The following MAGI1 variants were observed in gnomAD, a reference collection of about 807,000 sequenced individuals.
MAGI1 encodes membrane associated guanylate kinase, WW and PDZ domain containing 1, also known as membrane-associated guanylate kinase, WW and PDZ domain-containing protein 1.
A neutral mutation model predicts 139.9 loss-of-function variants in MAGI1; 58 were observed. The ratio of observed to expected loss-of-function variants is 0.41; its 90% CI spans 0.34 to 0.52. MAGI1 has a LOEUF of 0.52. MAGI1 is among the 20% of genes least tolerant of loss of function. The pLI is 0.12. For missense variants in MAGI1, 1,874 were observed against 1,901.6 expected (o/e 0.99, Z 0.27); for synonymous variants, 812 against 737.9 (o/e 1.10, Z -1.63).
At chr3:65,505,345 A>G (rs1467727633) in intron 2 of MAGI1, among the ~76,000 whole-genome samples, 3 of 151,962 alleles carry the variant, frequency 2.0e-5, no homozygotes, top group African/African-American at 7.3e-5. Context: ...TGCATGGTTA[A>G]TGCTAAATAC....
chr3:65,922,066 T>C (rs2062231620), intron 1 of MAGI1, among the ~76,000 whole-genome samples: 1 of 152,186 alleles, frequency 6.6e-6, no homozygotes, highest in African/African-American at 2.4e-5. Context: ...CTTGTTAACA[T>C]GGTTTATCTC....
chr3:65,944,101 T>C (rs2063446717), intron 1 of MAGI1, among the ~76,000 whole-genome samples: 1 of 152,226 alleles, frequency 6.6e-6, no homozygotes, highest in African/African-American at 2.4e-5. Context: ...TGTTTAAGAA[T>C]CCTGGTTCAA....
chr3:65,782,613 C>CAAAAA (rs56367932), intron 1 of MAGI1, among the ~76,000 whole-genome samples: 2 of 60,544 alleles, frequency 3.3e-5, no homozygotes, highest in Non-Finnish European at 6.0e-5. Flanking sequence ...ATTTCTTAAG[C>CAAAAA]AAAAAAAAAA....
At chr3:65,528,041 A>T (rs940587221) in intron 2 of MAGI1, among the ~76,000 whole-genome samples, 4 of 152,136 alleles carry the variant, frequency 2.6e-5, no homozygotes, top group Non-Finnish European at 4.4e-5. Flanking sequence ...GCTTTTTTTC[A>T]GTTGGGTGAA....
At chr3:66,000,693 A>C (rs541653880) in intron 1 of MAGI1, among the ~76,000 whole-genome samples, 23 of 152,340 alleles carry the variant, frequency 1.5e-4, no homozygotes, top group African/African-American at 5.3e-4. Flanking sequence ...GTGGGGCAGG[A>C]CTCAGCACAA....
intron 2 of MAGI1, among the ~76,000 whole-genome samples, chr3:65,616,416 G>A (rs1466843737): frequency 3.3e-5 from 5 of 152,124 alleles, no homozygotes; most frequent in Non-Finnish European, 4.4e-5. Context: ...AGATAGAGTC[G>A]AAGCGTTCAG....
chr3:65,401,510 C>T (rs757082432), intron 12 of MAGI1, 40 bp from the exon 13 acceptor site: 1 of 1,605,346 alleles, frequency 6.2e-7, no homozygotes, highest in South Asian at 1.1e-5. Context: ...GGGAAGAAAT[C>T]ATTAGCATAT....
intron 1 of MAGI1, among the ~76,000 whole-genome samples, chr3:65,800,512 T>C (rs2040449377): frequency 6.6e-6 from 1 of 152,076 alleles, no homozygotes; most frequent in African/African-American, 2.4e-5. Flanking sequence ...ATAGTCTTTA[T>C]AACCCAGCAA....
intron 1 of MAGI1, among the ~76,000 whole-genome samples, chr3:65,889,088 T>C (rs751863368): frequency 1.6e-4 from 25 of 152,192 alleles, no homozygotes; most frequent in Non-Finnish European, 3.2e-4. Context: ...CAAGAGACGC[T>C]AAAAGTACAA....
chr3:65,914,483 T>C (rs2061807071), intron 1 of MAGI1, among the ~76,000 whole-genome samples: 1 of 152,152 alleles, frequency 6.6e-6, no homozygotes, highest in Admixed American at 6.5e-5. Flanking sequence ...TTATGGAGAC[T>C]AAGAGGGGAC....
chr3:65,545,994 G>GCACA (rs749949035), intron 2 of MAGI1, among the ~76,000 whole-genome samples: 7 of 136,680 alleles, frequency 5.1e-5, no homozygotes, highest in African/African-American at 1.7e-4. Context: ...ACACACACAC[G>GCACA]CACACACACA....
At chr3:65,640,851 A>G (rs1250424276) in intron 1 of MAGI1, among the ~76,000 whole-genome samples, 1 of 152,208 alleles carries the variant, frequency 6.6e-6, no homozygotes, top group African/African-American at 2.4e-5. Context: ...CTGACACATT[A>G]TAGTTCCCAA....
At chr3:65,695,643 G>C (rs1012637539) in intron 1 of MAGI1, among the ~76,000 whole-genome samples, 1 of 152,176 alleles carries the variant, frequency 6.6e-6, no homozygotes, top group African/African-American at 2.4e-5. Context: ...GGGGATGAAT[G>C]AATCTACAGT....
At chr3:65,367,588 C>T (rs948247583) in intron 18 of MAGI1, among the ~76,000 whole-genome samples, 3 of 152,108 alleles carry the variant, frequency 2.0e-5, no homozygotes, top group South Asian at 2.1e-4. Context: ...AGTCCATTAC[C>T]ACATACTTCA....
chr3:65,694,054 GA>G (rs2107578844), intron 1 of MAGI1, among the ~76,000 whole-genome samples: 1 of 152,184 alleles, frequency 6.6e-6, no homozygotes, highest in African/African-American at 2.4e-5. Context: ...CCAAAAAAAT[GA>G]GTAAAATATA....
intron 13 of MAGI1, among the ~76,000 whole-genome samples, chr3:65,397,119 C>A (rs907861280): frequency 2.6e-5 from 4 of 152,166 alleles, no homozygotes; most frequent in African/African-American, 4.8e-5. Flanking sequence ...CTCACTGTTT[C>A]TTCTTGTAGG....
intron 2 of MAGI1, among the ~76,000 whole-genome samples, chr3:65,574,903 C>G (rs2081112272): frequency 6.6e-6 from 1 of 151,986 alleles, no homozygotes; most frequent in African/African-American, 2.4e-5. Flanking sequence ...TGGACTTTCA[C>G]ATTTAAAAAA....
At chr3:65,686,737 C>T (rs1255416510) in intron 1 of MAGI1, among the ~76,000 whole-genome samples, 4 of 152,286 alleles carry the variant, frequency 2.6e-5, no homozygotes, top group East Asian at 1.9e-4. Context: ...GGAAGTGAAA[C>T]GCCAAGCATC....
intron 1 of MAGI1, among the ~76,000 whole-genome samples, chr3:65,675,003 CT>C (rs1156909235): frequency 6.6e-6 from 1 of 152,058 alleles, no homozygotes; most frequent in Non-Finnish European, 1.5e-5. Flanking sequence ...CAGAGCTGCA[CT>C]TTCCAAGTGT....
Sources: allele counts gnomAD v4.1 joint callset (sites outside exome capture counted in the v4.1 genomes callset), GRCh38; gene constraint gnomAD v4.1.1; transcripts MANE v1.5; gene names NCBI Gene and HGNC (gene_info 2026-07-23, HGNC 2026-07-21).